Variants in ZC3H13 observed in about 807,000 individuals in gnomAD.
ZC3H13 encodes the protein zinc finger CCCH-type containing 13.
A neutral mutation model predicts 204.1 loss-of-function variants in ZC3H13; 64 were observed. The ratio of observed to expected loss-of-function variants is 0.31; its 90% CI spans 0.26 to 0.39. The LOEUF (loss-of-function observed/expected upper bound fraction) is 0.39, where lower values mean the gene tolerates loss of function less well. Among genes scored for constraint, ZC3H13 ranks in the 10% least tolerant of loss-of-function variants. ZC3H13 has a pLI of 1.00. For synonymous variants in ZC3H13, 667 were observed against 693.7 expected, an observed-to-expected ratio of 0.96 and a Z score of 0.60; for missense variants, 1,833 against 2,082.7, an observed-to-expected ratio of 0.88 and a Z score of 2.33.
At position 46,042,192 on chromosome 13, in the gene ZC3H13, T is replaced by A; in HGVS notation, c.311A>T (p.Asn104Ile). Residue 104 changes from asparagine (N) to isoleucine (I), a missense_variant, in exon 4 of 19, where the codon AAT (asparagine) becomes ATT (isoleucine). Around this residue, in one of 5 missense-constraint regions of ZC3H13, gnomAD observed 1,574 missense variants for 1,757.2 expected, o/e 0.90. Transcript: ENST00000679008. Reference sequence around the variant, plus strand: ...AACAGGTGAGGATGACTCCTCTGTATTTCGTTTCTGGGGCTCAGTGTCCAC... The same window carrying A: ...AACAGGTGAGGATGACTCCTCTGTAATTCGTTTCTGGGGCTCAGTGTCCAC... ...QDVDTEPQKRNTEESSSPVRK... is the reference protein window; with the variant it reads ...QDVDTEPQKRITEESSSPVRK... 1 of 1,613,562 alleles carries A rather than the reference T, an allele frequency of 6.2e-7. No individual in the cohort carries two copies. Among genetic ancestry groups the A allele is most frequent in the Non-Finnish European group, 8.5e-7 (1 of 1,179,530 alleles).
chr13:45,988,939 C>T lies in ZC3H13; in HGVS notation c.1103G>A (p.Arg368Gln), dbSNP rs201300799. ...TGAAGGATAAGGAGAGGCAGAGCGT[C>T]GTAAAGGTGGAGTTAGTGTCCGCTG... ...SYQRTLTPPL[R>Q]RSASPYPSHS... The change falls in exon 9 of 19, where the codon CGA (arginine) becomes CAA (glutamine). Residue 368 changes from arginine (R) to glutamine (Q), a missense_variant. Around this residue, in one of 5 missense-constraint regions of ZC3H13, gnomAD observed 1,574 missense variants for 1,757.2 expected, o/e 0.90. Coordinates refer to ENST00000679008, the MANE Select transcript of ZC3H13 (RefSeq NM_001330564.2). 9.7e-5 allele frequency: 157 copies of T among 1,613,858 alleles called. No individual in the cohort carries two copies. The highest frequency in any genetic ancestry group is 1.2e-4 in the Non-Finnish European group (146 of 1,180,010).
chr13:46,032,370 A>C (rs916906800), intron 4 of ZC3H13, among the ~76,000 whole-genome samples: 8 of 147,002 alleles, frequency 5.4e-5, no homozygotes, highest in Non-Finnish European at 1.2e-4. Flanking sequence ...ACCAAAAAAA[A>C]AAAAAAAAAC....
chr13:46,011,291 A>G, intron 6 of ZC3H13, 124 bp downstream of exon 6: 1 of 766,642 alleles, frequency 1.3e-6, no homozygotes, highest in South Asian at 2.6e-5. Context: ...TAGTACATAT[A>G]CAGTGGGTTG....
intron 1 of ZC3H13, among the ~76,000 whole-genome samples, chr13:46,048,258 T>C (rs954779016): frequency 6.6e-6 from 1 of 152,162 alleles, no homozygotes; most frequent in Admixed American, 6.5e-5. Flanking sequence ...AGAGCTTCTC[T>C]CCAATCCTAG....
intron 17 of ZC3H13, 34 bp from the exon 18 acceptor site, chr13:45,959,680 A>C: frequency 6.7e-7 from 1 of 1,487,050 alleles, no homozygotes; most frequent in Non-Finnish European, 8.9e-7. Context: ...ATTAAGTTTT[A>C]CTAAAATAGA....
At chr13:46,036,145 G>T (rs1436634422) in intron 4 of ZC3H13, among the ~76,000 whole-genome samples, 1 of 76,400 alleles carries the variant, frequency 1.3e-5, no homozygotes, top group African/African-American at 6.7e-5. Context: ...AAGACTCCGT[G>T]TCAAGAAAAA....
intron 7 of ZC3H13, among the ~76,000 whole-genome samples, chr13:46,005,382 T>C (rs1172984256): frequency 6.6e-6 from 1 of 152,254 alleles, no homozygotes; most frequent in Non-Finnish European, 1.5e-5. Flanking sequence ...ATTTCCATTT[T>C]TCCTGCTTTT....
At chr13:45,960,206 C>T (rs1243588454) in intron 17 of ZC3H13, among the ~76,000 whole-genome samples, 1 of 152,016 alleles carries the variant, frequency 6.6e-6, no homozygotes, top group African/African-American at 2.4e-5. Context: ...ATCTGCCTGC[C>T]TCGGCCTCCC....
Position 45,979,981 on chromosome 13 carries a change from G to T in ZC3H13, c.1744C>A (p.Gln582Lys). The T allele has an allele frequency of 6.2e-7, 1 of 1,605,094 alleles. No individual in the cohort carries two copies. Among genetic ancestry groups the T allele is most frequent in the Non-Finnish European group, 8.5e-7 (1 of 1,176,758 alleles). ...EKGSRGSRGS[Q>K]IDSHSSNSNY... The stretch of plus-strand genomic sequence containing the variant: ...CTATTACTACTGTGACTATCAATTT[G>T]AGAACCTCTTGAGCCTCGACTTCCT... Residue 582 changes from glutamine (Q) to lysine (K), a missense_variant, in exon 11 of 19, where the codon CAA becomes AAA. Coordinates refer to ENST00000679008, the MANE Select transcript of ZC3H13 (RefSeq NM_001330564.2).
At chr13:46,000,318 T>C (rs1231398217) in intron 8 of ZC3H13, among the ~76,000 whole-genome samples, 1 of 152,204 alleles carries the variant, frequency 6.6e-6, no homozygotes. Flanking sequence ...ATTTGTTTAG[T>C]GTGGCCAACA....
At chr13:46,047,660 G>A (rs770685253) in intron 1 of ZC3H13, among the ~76,000 whole-genome samples, 8 of 152,052 alleles carry the variant, frequency 5.3e-5, no homozygotes, top group Non-Finnish European at 1.0e-4. Context: ...GTAGAGCTTT[G>A]AGAAAAACTT....
Position 45,970,460 on chromosome 13 carries a change from C to T in ZC3H13, c.2474G>A (p.Arg825His), listed in dbSNP as rs745412454. ...GCTGGGACTCCCTTCATTTCTATAG[C>T]GCTTCCTAAATTGGACAAGCAAACA... ...DGHDERKSKK[R>H]YRNEGSPSPR... Residue 825 changes from arginine (R) to histidine (H), a missense_variant, in exon 13 of 19, where the codon CGC (arginine) becomes CAC (histidine). By Grantham distance (29) the Arg-to-His change is conservative. Coordinates refer to ENST00000679008, the MANE Select transcript of ZC3H13 (RefSeq NM_001330564.2). 3.1e-6 allele frequency: 5 copies of T among 1,611,222 alleles called. No individual in the cohort carries two copies. Among genetic ancestry groups the T allele is most frequent in the East Asian group, 2.2e-5 (1 of 44,858 alleles).
chr13:45,968,952 T>G lies in ZC3H13; in HGVS notation c.3592A>C (p.Asn1198His). 6.2e-7 allele frequency: 1 copy of G among 1,614,238 alleles called. No individual in the cohort carries two copies. Among genetic ancestry groups the G allele is most frequent in the Non-Finnish European group, 8.5e-7 (1 of 1,180,038 alleles). The change falls in exon 14 of 19, where the codon AAC becomes CAC. Residue 1198 changes from asparagine to histidine, a missense_variant. Asn to His is a moderately conservative substitution (Grantham distance 68, BLOSUM62 1). Around this residue, in one of 5 missense-constraint regions of ZC3H13, gnomAD observed 1,574 missense variants for 1,757.2 expected, o/e 0.90. Transcript: ENST00000679008. Reference sequence around the variant, plus strand: ...AGACGACCAGACGTATGACTACGGTTACTCCGATTGCTCCCGAGGCTGCTG... The same window carrying G: ...AGACGACCAGACGTATGACTACGGTGACTCCGATTGCTCCCGAGGCTGCTG... ...RSSSLGSNRS[N>H]RSHTSGRLRS...
intron 4 of ZC3H13, among the ~76,000 whole-genome samples, chr13:46,029,302 A>G (rs894833858): frequency 6.6e-6 from 1 of 152,238 alleles, no homozygotes; most frequent in Non-Finnish European, 1.5e-5. Context: ...AATTGAATCA[A>G]TAATTAATAA....
intron 8 of ZC3H13, among the ~76,000 whole-genome samples, chr13:45,996,252 T>C (rs2040327253): frequency 6.6e-6 from 1 of 152,222 alleles, no homozygotes; most frequent in African/African-American, 2.4e-5. Context: ...TCATTATAAA[T>C]ATTCAATTTA....
intron 4 of ZC3H13, among the ~76,000 whole-genome samples, chr13:46,040,616 C>T (rs1232820128): frequency 1.3e-5 from 2 of 151,904 alleles, no homozygotes; most frequent in Non-Finnish European, 2.9e-5. Context: ...CAGATTTCAT[C>T]AAATTAAAAA....
intron 7 of ZC3H13, among the ~76,000 whole-genome samples, chr13:46,009,522 G>A (rs1392432016): frequency 2.6e-5 from 4 of 152,086 alleles, no homozygotes; most frequent in Non-Finnish European, 5.9e-5. Flanking sequence ...ACTAGAAGGA[G>A]GGAGATAAAT....
intron 10 of ZC3H13, among the ~76,000 whole-genome samples, chr13:45,983,723 G>A (rs941056561): frequency 1.7e-4 from 26 of 151,682 alleles, no homozygotes; most frequent in African/African-American, 4.1e-4. Flanking sequence ...CACCGCGCCC[G>A]GCCCCTTCTA....
Position 45,969,821 on chromosome 13 carries a change from T to C in ZC3H13, c.2723A>G (p.Gln908Arg), listed in dbSNP as rs768923127. ...AGAAGAAACTTTCTCCTTGAGTTCC[T>C]GTTCTTCGTAGCGCCTTGAACTCTC... ...RKESSRRYEE[Q>R]ELKEKVSSVD... is the part of the protein sequence containing the mutation. The change falls in exon 14 of 19, where the codon CAG (glutamine) becomes CGG (arginine). Residue 908 changes from glutamine to arginine, a missense_variant. Gln to Arg is a conservative substitution (Grantham distance 43, BLOSUM62 1). This residue lies in a region of ZC3H13 where 1,574 missense variants were observed against 1,757.2 expected (regional missense o/e 0.90). Transcript: ENST00000679008. 3 of 1,614,026 alleles carry C rather than the reference T, an allele frequency of 1.9e-6. No individual in the cohort carries two copies. The highest frequency in any genetic ancestry group is 2.5e-6 in the Non-Finnish European group (3 of 1,180,034).
Sources: gnomAD v4.1 joint callset for allele counts (sites outside exome capture counted in the v4.1 genomes callset) on GRCh38, gnomAD v4.1.1 for gene constraint, gnomAD v4.1.1 regional missense constraint, MANE v1.5 for transcripts, NCBI Gene and HGNC (gene_info 2026-07-23, HGNC 2026-07-21) for gene names.